The following SDK1 variants were observed in gnomAD, a reference collection of about 807,000 sequenced individuals.
SDK1 encodes sidekick cell adhesion molecule 1.
A neutral mutation model predicts 245.5 loss-of-function variants in SDK1; 157 were observed. The ratio of observed to expected loss-of-function variants is 0.64; its 90% CI spans 0.56 to 0.73. SDK1 has a LOEUF of 0.73. Ranked by LOEUF, SDK1 falls within the 30% of genes least tolerant of loss-of-function variation. SDK1 has a pLI of 0.00. For synonymous variants in SDK1, 1,647 were observed against 1,278.5 expected (o/e 1.29, Z -6.15); for missense variants, 3,583 against 3,002.3 (o/e 1.19, Z -4.52).
intron 1 of SDK1, among the ~76,000 whole-genome samples, chr7:3,584,793 G>C (rs1313669115): frequency 9.2e-5 from 14 of 151,420 alleles, no homozygotes; most frequent in Non-Finnish European, 1.5e-5. Context: ...GCGCGATCTG[G>C]GCTCACTTCA....
At chr7:3,474,357 G>A (rs1781283326) in intron 1 of SDK1, among the ~76,000 whole-genome samples, 1 of 151,886 alleles carries the variant, frequency 6.6e-6, no homozygotes, top group Non-Finnish European at 1.5e-5. Context: ...GCCTCCCAAA[G>A]TGCTGGGATT....
At chr7:4,044,987 G>A (rs1163991951) in intron 17 of SDK1, among the ~76,000 whole-genome samples, 1 of 151,840 alleles carries the variant, frequency 6.6e-6, no homozygotes, top group African/African-American at 2.4e-5. Context: ...TTATATCTTT[G>A]CCTATTTCAG....
At chr7:3,860,253 A>G (rs1176129477) in intron 5 of SDK1, among the ~76,000 whole-genome samples, 2 of 152,226 alleles carry the variant, frequency 1.3e-5, no homozygotes, top group Admixed American at 6.5e-5. Context: ...CAAAATTGAG[A>G]CAAAAGACAG....
At chr7:3,477,340 C>T (rs1487961964) in intron 1 of SDK1, among the ~76,000 whole-genome samples, 12 of 148,148 alleles carry the variant, frequency 8.1e-5, no homozygotes, top group East Asian at 6.2e-4. Flanking sequence ...GGATTACAGG[C>T]GTGCGCCACC....
At chr7:4,099,769 T>G (rs532938170) in intron 22 of SDK1, among the ~76,000 whole-genome samples, 85 of 145,626 alleles carry the variant, frequency 5.8e-4, no homozygotes, top group Middle Eastern at 3.9e-3. Context: ...GAGCGGGATG[T>G]GATGGGAGAT....
In SDK1 at chr7:4,210,193, C is replaced by T. The variant is rs367603441; in HGVS notation, c.5539+31C>T. On this transcript the variant is annotated intron_variant, in intron 38 of 44. Transcript: ENST00000404826. ...ACCCGGGGTTGGGGAGATGGGAGCG[C>T]GGGCCACACCAGTGCCCAGCCCTCT... 6.4e-5 allele frequency: 96 copies of T among 1,500,518 alleles called. 1 individual carries two copies. The African/African-American group carries it at 6.9e-4, about 11-fold the overall frequency. 93.0% of individuals were successfully genotyped at this position (1,500,518 alleles called of 1,614,324 possible).
intron 12 of SDK1, among the ~76,000 whole-genome samples, chr7:3,972,577 T>A (rs950723441): frequency 3.3e-5 from 5 of 152,222 alleles, no homozygotes; most frequent in Admixed American, 3.3e-4. Context: ...AAAGGAAATA[T>A]CCAGTCATCA....
chr7:4,128,323 G>GTGC (rs1331372823), intron 26 of SDK1, among the ~76,000 whole-genome samples: 3 of 152,214 alleles, frequency 2.0e-5, no homozygotes, highest in Non-Finnish European at 4.4e-5. Context: ...GGTGTTCTAA[G>GTGC]TGCGCCCTGC....
intron 25 of SDK1, among the ~76,000 whole-genome samples, chr7:4,117,670 G>C (rs1003867752): frequency 2.0e-5 from 3 of 152,116 alleles, no homozygotes; most frequent in African/African-American, 7.2e-5. Flanking sequence ...TCTGCACCCT[G>C]GTCCTGGGCC....
chr7:4,088,473 T>C (rs992344214), intron 22 of SDK1, among the ~76,000 whole-genome samples: 2 of 152,198 alleles, frequency 1.3e-5, no homozygotes, highest in South Asian at 2.1e-4. Flanking sequence ...ATTTACACCA[T>C]TGATGTAGGC....
In SDK1 at chr7:3,957,812, G is replaced by C. The variant is rs180999725; in HGVS notation, c.1151-1119G>C. The stretch of plus-strand genomic sequence containing the variant: ...ATGCTGGCAATATTTCTTCAGGCTT[G>C]GTCTGTACACATGAAAACTTAAGTA... On this transcript the variant is annotated intron_variant, in intron 7 of 44. Transcript: ENST00000404826. Among the ~76,000 whole-genome samples, 226 of 152,284 alleles carry C rather than the reference G, an allele frequency of 1.5e-3. 1 individual carries two copies. The highest frequency in any genetic ancestry group is 5.3e-3 in the African/African-American group (221 of 41,560).
At chr7:3,729,058 C>G (rs1260896176) in intron 4 of SDK1, among the ~76,000 whole-genome samples, 1 of 152,170 alleles carries the variant, frequency 6.6e-6, no homozygotes, top group African/African-American at 2.4e-5. Flanking sequence ...TGTGTGAAAT[C>G]CGGCTTGATC....
intron 17 of SDK1, among the ~76,000 whole-genome samples, chr7:4,045,131 C>G (rs541551541): frequency 7.2e-5 from 11 of 152,314 alleles, no homozygotes; most frequent in African/African-American, 2.6e-4. Context: ...TGAGCAGCAT[C>G]CCATTCCATA....
intron 4 of SDK1, among the ~76,000 whole-genome samples, chr7:3,694,245 A>G (rs1784511583): frequency 6.6e-6 from 1 of 152,124 alleles, no homozygotes. Flanking sequence ...AAGCTCTTTG[A>G]GATGTGAGAA....
chr7:3,566,476 C>T (rs566428468), intron 1 of SDK1, among the ~76,000 whole-genome samples: 7 of 152,078 alleles, frequency 4.6e-5, no homozygotes, highest in South Asian at 2.1e-4. Context: ...CTGCCTGCCT[C>T]GGCCTCCCAA....
intron 17 of SDK1, among the ~76,000 whole-genome samples, chr7:4,025,455 A>G (rs1787268026): frequency 6.6e-6 from 1 of 152,184 alleles, no homozygotes; most frequent in East Asian, 1.9e-4. Context: ...GGTGCAGATC[A>G]CCTCTGTGCA....
chr7:4,061,123 G>A (rs1275544324), intron 19 of SDK1, among the ~76,000 whole-genome samples: 2 of 152,124 alleles, frequency 1.3e-5, no homozygotes, highest in East Asian at 3.8e-4. Flanking sequence ...TTGGCAATGT[G>A]GGCTCTTTTT....
chr7:4,144,946 A>G (rs1051292133), intron 28 of SDK1, among the ~76,000 whole-genome samples: 3 of 152,202 alleles, frequency 2.0e-5, no homozygotes, highest in East Asian at 1.9e-4. Context: ...TGAGCCAGGC[A>G]GGGTGCGGAC....
At chr7:3,342,033 A>C (rs77498408) in intron 1 of SDK1, among the ~76,000 whole-genome samples, 2 of 152,320 alleles carry the variant, frequency 1.3e-5, no homozygotes, top group East Asian at 3.9e-4. Context: ...GCTTTCCCTT[A>C]TAGTGATAGT....
Sources: gnomAD v4.1 joint callset for allele counts (sites outside exome capture counted in the v4.1 genomes callset) on GRCh38, gnomAD v4.1.1 for gene constraint, MANE v1.5 for transcripts, NCBI Gene and HGNC (gene_info 2026-07-23, HGNC 2026-07-21) for gene names.